The following FGF14 variants were observed in gnomAD, a reference collection of about 807,000 sequenced individuals.
FGF14 encodes fibroblast growth factor 14, also known as fibroblast growth factor homologous factor 4.
A neutral mutation model predicts 25.5 loss-of-function variants in FGF14; 5 were observed. The ratio of observed to expected loss-of-function variants is 0.20; its 90% CI spans 0.10 to 0.41. FGF14 has a LOEUF of 0.41. Among genes scored for constraint, FGF14 ranks in the 10% least tolerant of loss-of-function variants. The pLI is 1.00. For missense variants in FGF14, 222 were observed against 320.1 expected, an observed-to-expected ratio of 0.69 and a Z score of 2.34; for synonymous variants, 138 against 118.3, an observed-to-expected ratio of 1.17 and a Z score of -1.08.
intron 3 of FGF14, among the ~76,000 whole-genome samples, chr13:101,749,339 T>A (rs567666604): frequency 1.3e-5 from 2 of 152,064 alleles, no homozygotes; most frequent in African/African-American, 4.8e-5. Flanking sequence ...TAAAAAGGAA[T>A]GAACTATTGA....
intron 1 of FGF14, among the ~76,000 whole-genome samples, chr13:102,253,193 G>C (rs2052274682): frequency 6.6e-6 from 1 of 152,160 alleles, no homozygotes; most frequent in African/African-American, 2.4e-5. Flanking sequence ...GCAGTAATGG[G>C]ATTGCTGGAT....
rs1555369390 is a variant in FGF14 at position 102,161,570 on chromosome 13, A to AGAAGAAGAAGAAGAAG, written c.208+239900_208+239901insCTTCTTCTTCTTCTTC. 5.3e-4 allele frequency among the ~76,000 whole-genome samples: 3 copies of AGAAGAAGAAGAAGAAG among 5,652 alleles called. 1 individual carries two copies. The highest frequency in any genetic ancestry group is 7.2e-4 in the Non-Finnish European group (3 of 4,184). 3.7% of individuals were successfully genotyped at this position (5,652 alleles called of 152,430 possible). On this transcript the variant is annotated intron_variant, in intron 1 of 4. Transcript: ENST00000376131. ...TCTATGCAACCAACTTTCTGTGAAG[A>AGAAGAAGAAGAAGAAG]AAGAAAGAAGAAGAAGAAGAAGAAG...
intron 1 of FGF14, among the ~76,000 whole-genome samples, chr13:101,903,053 T>TTTTG (rs2031772397): frequency 6.6e-6 from 1 of 152,144 alleles, no homozygotes; most frequent in Admixed American, 6.6e-5. Flanking sequence ...TTCTGGGGTT[T>TTTTG]TTTGTTTGTT....
chr13:101,823,957 G>A (rs2042284508), intron 3 of FGF14, among the ~76,000 whole-genome samples: 1 of 151,392 alleles, frequency 6.6e-6, no homozygotes, highest in Admixed American at 6.6e-5. Context: ...TAAAATATCT[G>A]GTATTCTACA....
chr13:101,755,716 C>T (rs1026757860), intron 3 of FGF14, among the ~76,000 whole-genome samples: 1 of 152,126 alleles, frequency 6.6e-6, no homozygotes, highest in African/African-American at 2.4e-5. Context: ...GATTAGTCTG[C>T]AACTGGTGGG....
At chr13:101,863,594 A>T (rs2044539998) in intron 3 of FGF14, among the ~76,000 whole-genome samples, 1 of 152,136 alleles carries the variant, frequency 6.6e-6, no homozygotes, top group Non-Finnish European at 1.5e-5. Context: ...TGGGCAATGA[A>T]TTCACGCAAT....
At chr13:101,816,920 G>T (rs1356506843) in intron 3 of FGF14, among the ~76,000 whole-genome samples, 1 of 152,084 alleles carries the variant, frequency 6.6e-6, no homozygotes, top group Non-Finnish European at 1.5e-5. Context: ...ACTTTGCTAA[G>T]CCCAAGTTTA....
intron 1 of FGF14, among the ~76,000 whole-genome samples, chr13:102,324,457 C>T (rs1312791635): frequency 6.6e-6 from 1 of 152,184 alleles, no homozygotes; most frequent in African/African-American, 2.4e-5. Flanking sequence ...ATGTCTGATA[C>T]ATGCTGGGCG....
intron 1 of FGF14, among the ~76,000 whole-genome samples, chr13:102,385,393 T>C (rs755547015): frequency 1.1e-4 from 17 of 152,212 alleles, no homozygotes; most frequent in Admixed American, 5.9e-4. Flanking sequence ...AATAGCTGGT[T>C]ATACTGTACC....
chr13:102,259,724 C>T (rs147291023), intron 1 of FGF14, among the ~76,000 whole-genome samples: 14 of 152,104 alleles, frequency 9.2e-5, no homozygotes, highest in African/African-American at 2.2e-4. Flanking sequence ...TATGAATGAA[C>T]GAATGAAGCA....
In FGF14 at chr13:102,318,198, G is replaced by A. The variant is rs1041051421; in HGVS notation, c.208+83273C>T. ...CTGCAGACATTTAGGGCCAAGCAGT[G>A]GGAAGATCTAAACCCCTGGAAGGAG... On this transcript the variant is annotated intron_variant, in intron 1 of 4. Coordinates refer to the FGF14 transcript ENST00000376131. Among the ~76,000 whole-genome samples, 5 of 152,240 alleles carry A rather than the reference G, an allele frequency of 3.3e-5. 1 individual carries two copies. The highest frequency in any genetic ancestry group is 2.4e-5 in the African/African-American group (1 of 41,548).
In FGF14 at chr13:101,906,825, G is replaced by C. The variant is rs924502474; in HGVS notation, c.193+9628C>G. Among the ~76,000 whole-genome samples the C allele has an allele frequency of 1.1e-4, 16 of 152,180 alleles. No homozygotes were observed. The South Asian group carries it at 3.3e-3, about 32-fold the overall frequency. ...GAAACATTACCTTAATCATGTCTGT[G>C]TAATAGGTAGGTAAAGAAGAGGTAG... On this transcript the variant is annotated intron_variant, in intron 1 of 4. Transcript: ENST00000376143.
chr13:101,801,894 C>T (rs144050401), intron 3 of FGF14: 21 of 398,306 alleles, frequency 5.3e-5, no homozygotes, highest in Non-Finnish European at 9.8e-5. Flanking sequence ...AAAGGTGACA[C>T]CAAGAAACCA....
intron 3 of FGF14, among the ~76,000 whole-genome samples, chr13:101,823,801 CATATT>C (rs1434453488): frequency 6.7e-6 from 1 of 149,670 alleles, no homozygotes; most frequent in Non-Finnish European, 1.5e-5. Flanking sequence ...TATAAAGATA[CATATT>C]ATATGTACAT....
In FGF14 at chr13:102,136,404, C is replaced by T. The variant is rs142485686; in HGVS notation, c.209-261108G>A. Among the ~76,000 whole-genome samples the T allele has an allele frequency of 1.5e-3, 223 of 152,176 alleles. 1 individual carries two copies. The highest frequency in any genetic ancestry group is 6.8e-3 in the Middle Eastern group (2 of 294). On this transcript the variant is annotated intron_variant, in intron 1 of 4. Transcript: ENST00000376131. Reference sequence around the variant, plus strand: ...ATCACACGTTAAGTGGCAGAGCCACCGACTGGACTCAGGTAGTCTTATTAC... The same window carrying T: ...ATCACACGTTAAGTGGCAGAGCCACTGACTGGACTCAGGTAGTCTTATTAC...
intron 1 of FGF14, among the ~76,000 whole-genome samples, chr13:102,313,759 T>C (rs2055886501): frequency 6.6e-6 from 1 of 152,180 alleles, no homozygotes; most frequent in South Asian, 2.1e-4. Flanking sequence ...ACCAAAACTG[T>C]TCAGGTTCAT....
At position 102,272,469 on chromosome 13, in the gene FGF14, C is replaced by T. The variant is rs145131956; in HGVS notation, c.208+129002G>A. ...ATAATTTATTTCACCCTTGTAAGTC[C>T]AGTACTTGGCACAAAGCAGGTGCAA... On this transcript the variant is annotated intron_variant, in intron 1 of 4. Transcript: ENST00000376131. 2.5e-4 allele frequency among the ~76,000 whole-genome samples: 38 copies of T among 152,188 alleles called. 1 individual carries two copies. The East Asian group carries it at 4.6e-3, about 19-fold the overall frequency.
intron 3 of FGF14, among the ~76,000 whole-genome samples, chr13:101,773,460 G>T (rs2038903144): frequency 6.6e-6 from 1 of 151,844 alleles, no homozygotes; most frequent in African/African-American, 2.4e-5. Flanking sequence ...CATAAAACTT[G>T]CAGATGGACA....
intron 3 of FGF14, among the ~76,000 whole-genome samples, chr13:101,838,073 T>C (rs1442954213): frequency 2.0e-5 from 3 of 152,006 alleles, no homozygotes; most frequent in Non-Finnish European, 2.9e-5. Context: ...CTGGCTTCCT[T>C]GCTCCTCAGC....
Sources: allele counts gnomAD v4.1 joint callset (sites outside exome capture counted in the v4.1 genomes callset), GRCh38; gene constraint gnomAD v4.1.1; transcripts MANE v1.5; gene names NCBI Gene and HGNC (gene_info 2026-07-23, HGNC 2026-07-21).